Variants in DNAJC19 observed in about 807,000 individuals in gnomAD.
DNAJC19 encodes the protein mitochondrial import inner membrane translocase subunit TIM14.
In DNAJC19, 15 loss-of-function variants were observed where a neutral mutation model predicts 19.8. That is an observed-to-expected ratio of 0.76 (90% CI 0.51 to 1.17). The LOEUF is 1.17. Among genes scored for constraint, DNAJC19 ranks in the 50% most tolerant of loss-of-function variants. The pLI is 0.00. For synonymous variants in DNAJC19, 38 were observed against 42.1 expected (o/e 0.90, Z 0.38); for missense variants, 105 against 140.9 (o/e 0.75, Z 1.29).
At chr3:180,985,876 T>C in intron 5 of DNAJC19, 50 bp downstream of exon 5, 1 of 1,469,170 alleles carries the variant, frequency 6.8e-7, no homozygotes, top group South Asian at 1.1e-5. Context: ...ATCCCATTAA[T>C]AACTATTGGT....
Position 180,985,960 on chromosome 3 carries a change from A to G in DNAJC19, c.246T>C (p.His82=). The G allele has an allele frequency of 6.2e-7, 1 of 1,613,734 alleles. No homozygotes were observed. Among genetic ancestry groups the G allele is most frequent in the Non-Finnish European group, 8.5e-7 (1 of 1,179,888 alleles). Residue 82 remains histidine, a synonymous_variant, in exon 5 of 6, where the codon CAT becomes CAC. Coordinates refer to ENST00000382564, the MANE Select transcript of DNAJC19 (RefSeq NM_145261.4). ...GATGATTTAAAAGCATAATTCGTCG[A>G]TGAGCATCTCTTATTTTCCCTTTAT... ...TANKGKIRDA[H]RRIMLLNHPD...
chr3:180,988,665 C>A (rs542971882), intron 1 of DNAJC19, among the ~76,000 whole-genome samples: 1 of 152,130 alleles, frequency 6.6e-6, no homozygotes, highest in Non-Finnish European at 1.5e-5. Flanking sequence ...TTGAAAACTT[C>A]TTTCATCACC....
At chr3:180,989,234 T>C in intron 1 of DNAJC19, 2 of 1,033,522 alleles carry the variant, frequency 1.9e-6, no homozygotes, top group Non-Finnish European at 1.2e-6. Context: ...GAGAAGGACA[T>C]AGCAAAGTGG....
At position 180,984,683 on chromosome 3, in the gene DNAJC19, A is replaced by G; in HGVS notation, c.308T>C (p.Ile103Thr). The stretch of plus-strand genomic sequence containing the variant: ...TTCTAGTAAATCTTTAGCTTCATTG[A>G]TTTTGGCTGCTATATAAGGAGATCC... ...KGGSPYIAAKINEAKDLLEGQ... is the reference protein window; with the variant it reads ...KGGSPYIAAKTNEAKDLLEGQ... Residue 103 changes from isoleucine (I) to threonine (T), a missense_variant, in exon 6 of 6, where the codon ATC (isoleucine) becomes ACC (threonine). Coordinates refer to ENST00000382564, the MANE Select transcript of DNAJC19 (RefSeq NM_145261.4). 2 of 1,608,922 alleles carry G rather than the reference A, an allele frequency of 1.2e-6. No homozygotes were observed. Among genetic ancestry groups the G allele is most frequent in the South Asian group, 1.1e-5 (1 of 90,612 alleles).
chr3:180,984,792 C>G, intron 5 of DNAJC19, 82 bp from the exon 6 acceptor site: 1 of 974,086 alleles, frequency 1.0e-6, no homozygotes, highest in Non-Finnish European at 1.6e-6. Context: ...GTTTCAAGGA[C>G]TCCAATGCTT....
chr3:180,986,573 C>T (rs957179112), intron 4 of DNAJC19: 12 of 210,370 alleles, frequency 5.7e-5, no homozygotes, highest in African/African-American at 9.4e-5. Flanking sequence ...TGAGTCACCG[C>T]GCCCGGTTGA....
intron 3 of DNAJC19, chr3:180,987,328 T>C: frequency 2.7e-6 from 1 of 369,546 alleles, no homozygotes; most frequent in South Asian, 3.0e-5. Flanking sequence ...CATTCCAAAT[T>C]AGCCATATTC....
upstream of DNAJC19, chr3:180,989,786 C>T (rs1287394971): frequency 1.0e-6 from 1 of 996,764 alleles, no homozygotes; most frequent in South Asian, 1.4e-5. Context: ...AAAGGGGACG[C>T]GGAGGAGAAG....
intron 1 of DNAJC19, chr3:180,989,357 A>G: frequency 7.0e-7 from 1 of 1,425,076 alleles, no homozygotes; most frequent in East Asian, 2.5e-5. Flanking sequence ...GGCAAGCAAC[A>G]CCTGCAGAGC....
At chr3:180,989,784 C>T, upstream of DNAJC19, 1 of 1,005,028 alleles carries the variant, frequency 9.9e-7, no homozygotes, top group Non-Finnish European at 1.5e-6. Context: ...TAAAAGGGGA[C>T]GCGGAGGAGA....
At chr3:180,989,119 A>G (rs554313424) in intron 1 of DNAJC19, among the ~76,000 whole-genome samples, 2 of 152,290 alleles carry the variant, frequency 1.3e-5, no homozygotes, top group African/African-American at 4.8e-5. Flanking sequence ...AACGTGGGCT[A>G]AACTAGGAGA....
chr3:180,985,348 A>C (rs562575953), intron 5 of DNAJC19: 1 of 154,664 alleles, frequency 6.5e-6, no homozygotes, highest in South Asian at 2.0e-4. Context: ...AGCCCTCCAT[A>C]TAAAACAAGC....
At position 180,983,873 on chromosome 3, in the gene DNAJC19, A is replaced by C. The variant is rs891152644; in HGVS notation, c.*767T>G. The C allele has an allele frequency of 4.4e-6, 2 of 453,910 alleles. No homozygotes were observed. Among genetic ancestry groups the C allele is most frequent in the Non-Finnish European group, 8.8e-6 (2 of 226,770 alleles). 28.1% of individuals were successfully genotyped at this position (453,910 alleles called of 1,614,324 possible). ...ATTATGTCAAGAAATAGCCAACTGA[A>C]GGAATAATTTATAAATGGTCATTAC... On this transcript the variant is annotated 3_prime_UTR_variant, in exon 6 of 6. Transcript: ENST00000382564.
rs760839896 is a variant in DNAJC19, at chr3:180,988,212, T to A, written c.21A>T (p.Ala7=). 1.2e-6 allele frequency: 2 copies of A among 1,614,188 alleles called. No homozygotes were observed. Among genetic ancestry groups the A allele is most frequent in the Admixed American group, 3.3e-5 (2 of 60,024 alleles). The part of the protein sequence containing the change: MASTVV[A]VGLTIAAAGF... The stretch of plus-strand genomic sequence containing the variant: ...CTGCAGCAGCAATGGTCAGTCCAAC[T>A]GCTACCACTGTACTGGCCTGGTAAG... The change falls in exon 2 of 6, where the codon GCA becomes GCT. Residue 7 remains alanine, a synonymous_variant. Transcript: ENST00000382564.
At chr3:180,988,778 G>GT (rs779825006) in intron 1 of DNAJC19, among the ~76,000 whole-genome samples, 2 of 151,506 alleles carry the variant, frequency 1.3e-5, no homozygotes, top group East Asian at 3.9e-4. Context: ...CGAGGCGGGC[G>GT]TATCACTAGG....
Position 180,989,533 on chromosome 3 carries a change from C to A in DNAJC19, c.3+67G>T. The stretch of plus-strand genomic sequence containing the variant: ...GAGCACAACTTCAACTCCACACCTC[C>A]GAGGCGGGGAGCTGAGGTTGAGGCC... On this transcript the variant is annotated intron_variant, in intron 1 of 5. Transcript: ENST00000382564. 1.9e-6 allele frequency: 3 copies of A among 1,555,782 alleles called. No homozygotes were observed. In the South Asian group the frequency reaches 3.6e-5, roughly 18 times the overall value.
chr3:180,988,772 G>A (rs1230918972), intron 1 of DNAJC19, among the ~76,000 whole-genome samples: 2 of 151,796 alleles, frequency 1.3e-5, no homozygotes, highest in Admixed American at 1.3e-4. Context: ...GGGAGGCGAG[G>A]CGGGCGTATC....
Position 180,988,183 on chromosome 3 carries a change from AATCC to A in DNAJC19, c.46_49del (p.Gly16LeufsTer10). ...TCCCCAAACCATAAACAAACCTGCA[AATCC>A]TGCAGCAGCAATGGTCAGTCCAACT... On this transcript the variant is annotated frameshift_variant, in exon 2 of 6. Coordinates refer to ENST00000382564, the MANE Select transcript of DNAJC19 (RefSeq NM_145261.4). LOFTEE classifies it high-confidence loss of function. 1 of 1,614,128 alleles carries A rather than the reference AATCC, an allele frequency of 6.2e-7. No individual in the cohort carries two copies. The highest frequency in any genetic ancestry group is 1.3e-5 in the African/African-American group (1 of 75,014).
At chr3:180,989,073 C>T (rs1373006641) in intron 1 of DNAJC19, among the ~76,000 whole-genome samples, 1 of 151,916 alleles carries the variant, frequency 6.6e-6, no homozygotes, top group Non-Finnish European at 1.5e-5. Flanking sequence ...TTACAGACGG[C>T]TCCTGTAAAA....
Sources: allele counts gnomAD v4.1 joint callset (sites outside exome capture counted in the v4.1 genomes callset), GRCh38; gene constraint gnomAD v4.1.1; transcripts MANE v1.5; gene names NCBI Gene and HGNC (gene_info 2026-07-23, HGNC 2026-07-21).